Variants in SLC25A13 observed in about 807,000 individuals in gnomAD.
The protein encoded by SLC25A13 is electrogenic aspartate/glutamate antiporter SLC25A13, mitochondrial.
A neutral mutation model predicts 85.5 loss-of-function variants in SLC25A13; 70 were observed. That is an observed-to-expected ratio of 0.82 (90% CI 0.68 to 1.00). SLC25A13 has a LOEUF of 1.00. Among genes scored for constraint, SLC25A13 ranks in the 50% least tolerant of loss-of-function variants. The pLI, the probability that SLC25A13 is intolerant of heterozygous loss-of-function variation, is 0.00. For missense variants in SLC25A13, 765 were observed against 819.8 expected, an observed-to-expected ratio of 0.93 and a Z score of 0.82; for synonymous variants, 259 against 288.7, an observed-to-expected ratio of 0.90 and a Z score of 1.04.
intron 11 of SLC25A13, among the ~76,000 whole-genome samples, chr7:96,172,830 C>T (rs1301723836): frequency 6.6e-6 from 1 of 152,118 alleles, no homozygotes; most frequent in African/African-American, 2.4e-5. Flanking sequence ...GCGATCTCGG[C>T]TCACTGCCAG....
chr7:96,274,120 C>A (rs1304700481), intron 3 of SLC25A13, among the ~76,000 whole-genome samples: 2 of 152,010 alleles, frequency 1.3e-5, no homozygotes, highest in Admixed American at 1.3e-4. Flanking sequence ...CTCCAGAATA[C>A]TGCAACAAGT....
At chr7:96,316,868 A>G in intron 1 of SLC25A13, among the ~76,000 whole-genome samples, 1 of 152,092 alleles carries the variant, frequency 6.6e-6, no homozygotes, top group Non-Finnish European at 1.5e-5. Flanking sequence ...ACACTAAACT[A>G]CCAGGCACAC....
intron 1 of SLC25A13, among the ~76,000 whole-genome samples, chr7:96,309,197 C>T (rs1169538273): frequency 6.6e-6 from 1 of 152,222 alleles, no homozygotes; most frequent in African/African-American, 2.4e-5. Flanking sequence ...ACTACTGAGA[C>T]TAGCAGGGCT....
chr7:96,297,933 T>A (rs1799407274), intron 1 of SLC25A13, among the ~76,000 whole-genome samples: 1 of 152,144 alleles, frequency 6.6e-6, no homozygotes, highest in African/African-American at 2.4e-5. Flanking sequence ...TCCAAAAACA[T>A]TGCTGGGGAA....
chr7:96,292,858 G>A (rs1458876947), intron 2 of SLC25A13, among the ~76,000 whole-genome samples: 1 of 152,090 alleles, frequency 6.6e-6, no homozygotes, highest in African/African-American at 2.4e-5. Flanking sequence ...TACTTCCCAA[G>A]GTAATTTACA....
chr7:96,267,508 C>T (rs1389555758), intron 3 of SLC25A13, among the ~76,000 whole-genome samples: 1 of 152,120 alleles, frequency 6.6e-6, no homozygotes, highest in Non-Finnish European at 1.5e-5. Flanking sequence ...TCTCTTTACT[C>T]TGAACAGAAA....
chr7:96,322,024 G>A lies in SLC25A13; in HGVS notation c.-68C>T. The stretch of plus-strand genomic sequence containing the variant: ...CTGGCTGGCGTTTGGGACCCGGGCG[G>A]CTCACTTCTAGTCCCGGCGGCGGCG... On this transcript the variant is annotated 5_prime_UTR_variant, in exon 1 of 18. Coordinates refer to ENST00000265631, the MANE Select transcript of SLC25A13 (RefSeq NM_014251.3). 2.0e-6 allele frequency: 3 copies of A among 1,527,616 alleles called. No homozygotes were observed. Among genetic ancestry groups the A allele is most frequent in the Non-Finnish European group, 1.8e-6 (2 of 1,137,156 alleles). 94.6% of individuals were successfully genotyped at this position (1,527,616 alleles called of 1,614,324 possible).
At chr7:96,184,572 C>T (rs1794549487) in intron 10 of SLC25A13, 137 bp from the exon 11 acceptor site, 4 of 789,982 alleles carry the variant, frequency 5.1e-6, no homozygotes. Flanking sequence ...AACAGTACTA[C>T]CTTTCTTATA....
chr7:96,156,972 G>A (rs1440843075), intron 13 of SLC25A13, among the ~76,000 whole-genome samples: 1 of 152,152 alleles, frequency 6.6e-6, no homozygotes, highest in Admixed American at 6.5e-5. Context: ...TTCAAGATAG[G>A]AGCAATGGGT....
intron 13 of SLC25A13, among the ~76,000 whole-genome samples, chr7:96,163,893 C>A (rs1793627985): frequency 6.6e-6 from 1 of 151,796 alleles, no homozygotes; most frequent in South Asian, 2.1e-4. Flanking sequence ...ACAACATCCT[C>A]TCTCTCTCTC....
At position 96,200,551 on chromosome 7, in the gene SLC25A13, C is replaced by A. The variant is rs962689547; in HGVS notation, c.469-7368G>T. Among the ~76,000 whole-genome samples, 4 of 152,046 alleles carry A rather than the reference C, an allele frequency of 2.6e-5. No individual in the cohort carries two copies. The East Asian group carries it at 7.7e-4, about 29-fold the overall frequency. ...GTTCTATGTGTACCTCCCCCCACCC[C>A]CCATTTGGCCATGCAGTCAGTGTCA... On this transcript the variant is annotated intron_variant, in intron 5 of 17. Coordinates refer to ENST00000265631, the MANE Select transcript of SLC25A13 (RefSeq NM_014251.3).
At chr7:96,138,035 C>A (rs1161893279) in intron 14 of SLC25A13, among the ~76,000 whole-genome samples, 1 of 152,220 alleles carries the variant, frequency 6.6e-6, no homozygotes, top group African/African-American at 2.4e-5. Context: ...GGATCACCTT[C>A]CAGAATTTCC....
At chr7:96,299,104 G>A (rs1010667982) in intron 1 of SLC25A13, among the ~76,000 whole-genome samples, 14 of 152,150 alleles carry the variant, frequency 9.2e-5, no homozygotes, top group African/African-American at 2.9e-4. Flanking sequence ...AGTATTCTTC[G>A]TAATTCTAAA....
chr7:96,245,339 C>T (rs189936717), intron 3 of SLC25A13, among the ~76,000 whole-genome samples: 1 of 152,166 alleles, frequency 6.6e-6, no homozygotes, highest in African/African-American at 2.4e-5. Flanking sequence ...GTCCTTGCCA[C>T]CTCCCTCAAC....
chr7:96,156,190 G>T (rs1274877027), intron 13 of SLC25A13, among the ~76,000 whole-genome samples: 2 of 152,126 alleles, frequency 1.3e-5, no homozygotes, highest in African/African-American at 2.4e-5. Context: ...CAATATAACT[G>T]ATTTTCATCA....
intron 13 of SLC25A13, among the ~76,000 whole-genome samples, chr7:96,158,285 A>G (rs1395917828): frequency 4.6e-5 from 7 of 152,330 alleles, no homozygotes; most frequent in Non-Finnish European, 1.0e-4. Context: ...ATTCTAGTCA[A>G]CAGTCTTGAG....
At chr7:96,258,435 G>A (rs6621154) in intron 3 of SLC25A13, among the ~76,000 whole-genome samples, 1 of 152,080 alleles carries the variant, frequency 6.6e-6, no homozygotes, top group Non-Finnish European at 1.5e-5. Flanking sequence ...AAGACAGAGA[G>A]CCAGATCATG....
rs572212026 is a variant in SLC25A13, at chr7:96,163,100, C to T, written c.1311+6945G>A. 6.6e-5 allele frequency among the ~76,000 whole-genome samples: 10 copies of T among 152,290 alleles called. No homozygotes were observed. In the East Asian group the frequency reaches 1.5e-3, roughly 24 times the overall value. ...CCAGTGGCAGTTAAAACATCCTTTG[C>T]TATTATTCCTATTACGATGTAGGGT... On this transcript the variant is annotated intron_variant, in intron 13 of 17. Coordinates refer to ENST00000265631, the MANE Select transcript of SLC25A13 (RefSeq NM_014251.3).
At chr7:96,277,960 G>T (rs1798523969) in intron 2 of SLC25A13, among the ~76,000 whole-genome samples, 1 of 152,154 alleles carries the variant, frequency 6.6e-6, no homozygotes, top group African/African-American at 2.4e-5. Flanking sequence ...CAATCTTATG[G>T]AGGGAGGCAG....
Sources: allele counts gnomAD v4.1 joint callset (sites outside exome capture counted in the v4.1 genomes callset), GRCh38; gene constraint gnomAD v4.1.1; transcripts MANE v1.5; gene names NCBI Gene and HGNC (gene_info 2026-07-23, HGNC 2026-07-21).